TCF4: variants seen among roughly 807,000 people sequenced by gnomAD.
TCF4 encodes transcription factor 4, also known as SL3-3 enhancer factor 2.
In TCF4, 3 loss-of-function variants were observed where a neutral mutation model predicts 82.1. The observed-to-expected ratio is 0.04, with a 90% confidence interval of 0.02 to 0.09. The LOEUF (loss-of-function observed/expected upper bound fraction) is 0.09, where lower values mean the gene tolerates loss of function less well. Among genes scored for constraint, TCF4 ranks in the 10% least tolerant of loss-of-function variants. The pLI, the probability that TCF4 is intolerant of heterozygous loss-of-function variation, is 1.00. For synonymous variants in TCF4, 276 were observed against 309.6 expected, an observed-to-expected ratio of 0.89 and a Z score of 1.14; for missense variants, 518 against 852.7, an observed-to-expected ratio of 0.61 and a Z score of 4.89.
intron 4 of TCF4, among the ~76,000 whole-genome samples, chr18:55,463,647 T>C (rs903847556): frequency 6.6e-6 from 1 of 152,188 alleles, no homozygotes; most frequent in African/African-American, 2.4e-5. Flanking sequence ...TAGTGTATCT[T>C]TGGGATTATT....
chr18:55,437,744 A>AT (rs2147270175), intron 5 of TCF4, among the ~76,000 whole-genome samples: 1 of 152,320 alleles, frequency 6.6e-6, no homozygotes, highest in South Asian at 2.1e-4. Flanking sequence ...AATGGGCCAC[A>AT]TGTTACTCAG....
At chr18:55,261,329 G>T in intron 12 of TCF4, 137 bp downstream of exon 12, 1 of 1,038,486 alleles carries the variant, frequency 9.6e-7, no homozygotes, top group South Asian at 1.3e-5. Context: ...TCCAGTGACT[G>T]TTATGCAAGA....
chr18:55,277,817 T>A (rs1166831000), intron 9 of TCF4, among the ~76,000 whole-genome samples: 1 of 152,178 alleles, frequency 6.6e-6, no homozygotes, highest in Non-Finnish European at 1.5e-5. Context: ...TTTTGAGTGA[T>A]GGATCCTTGA....
intron 3 of TCF4, among the ~76,000 whole-genome samples, chr18:55,582,595 A>G (rs2097585717): frequency 6.6e-6 from 1 of 152,088 alleles, no homozygotes; most frequent in African/African-American, 2.4e-5. Flanking sequence ...GGTAGGAAAA[A>G]CCATGTTTGT....
At chr18:55,253,776 T>C (rs1484686925) in intron 15 of TCF4, among the ~76,000 whole-genome samples, 1 of 152,056 alleles carries the variant, frequency 6.6e-6, no homozygotes, top group Non-Finnish European at 1.5e-5. Context: ...TTTGGCTTCT[T>C]TAATTAAAAA....
intron 3 of TCF4, among the ~76,000 whole-genome samples, chr18:55,521,867 C>T (rs1428922102): frequency 1.3e-5 from 2 of 152,122 alleles, no homozygotes; most frequent in Non-Finnish European, 2.9e-5. Flanking sequence ...CTTCCTGAAC[C>T]AGTATGGTTG....
Position 55,227,265 on chromosome 18 carries a change from A to T in TCF4, c.*770T>A, listed in dbSNP as rs974274781. 3.3e-5 allele frequency: 5 copies of T among 151,048 alleles called. No individual in the cohort carries two copies. Among genetic ancestry groups the T allele is most frequent in the Non-Finnish European group, 7.4e-5 (5 of 67,668 alleles). The allele number at this position is 151,048 out of a possible 1,614,324, so 9.4% of individuals were successfully genotyped here. The stretch of plus-strand genomic sequence containing the variant: ...AATAAGACCAAAAAAAAAAAAATCC[A>T]TATTTACAGTAAAATCTTTCTTTTA... On this transcript the variant is annotated 3_prime_UTR_variant, in exon 20 of 20. Transcript: ENST00000354452.
chr18:55,238,405 C>T (rs890241834), intron 15 of TCF4, among the ~76,000 whole-genome samples: 19 of 152,164 alleles, frequency 1.2e-4, no homozygotes, highest in African/African-American at 3.9e-4. Context: ...ACTAATTTAA[C>T]AAACATTTTC....
chr18:55,306,927 T>TG (rs2070565814), intron 8 of TCF4, among the ~76,000 whole-genome samples: 1 of 152,060 alleles, frequency 6.6e-6, no homozygotes, highest in African/African-American at 2.4e-5. Flanking sequence ...GAAGACTGGG[T>TG]GGGGGCAGGG....
intron 8 of TCF4, among the ~76,000 whole-genome samples, chr18:55,293,964 A>G (rs202090832): frequency 1.6e-4 from 1 of 6,408 alleles, no homozygotes; most frequent in African/African-American, 2.5e-4. Flanking sequence ...TTTTTTTTTT[A>G]GAATTCATAT....
At chr18:55,416,471 A>G (rs572726416) in intron 5 of TCF4, among the ~76,000 whole-genome samples, 1 of 152,286 alleles carries the variant, frequency 6.6e-6, no homozygotes, top group East Asian at 1.9e-4. Flanking sequence ...ATCTTAGCCA[A>G]AAGGCTAAGA....
chr18:55,387,002 A>T (rs2092663178), intron 6 of TCF4, among the ~76,000 whole-genome samples: 1 of 152,234 alleles, frequency 6.6e-6, no homozygotes, highest in Non-Finnish European at 1.5e-5. Context: ...GAACAGAAAA[A>T]AGAGGGAGAG....
intron 3 of TCF4, among the ~76,000 whole-genome samples, chr18:55,468,328 G>C (rs892414587): frequency 6.6e-6 from 1 of 152,194 alleles, no homozygotes; most frequent in African/African-American, 2.4e-5. Context: ...ACAAAGCAGA[G>C]AGGGAAACAA....
chr18:55,388,497 T>C (rs1026550317), intron 6 of TCF4, among the ~76,000 whole-genome samples: 1 of 152,260 alleles, frequency 6.6e-6, no homozygotes, highest in African/African-American at 2.4e-5. Context: ...GCTCCTGATA[T>C]ACAGATTGCT....
chr18:55,319,770 G>C (rs60490688), intron 8 of TCF4, among the ~76,000 whole-genome samples: 3,963 of 152,146 alleles, frequency 0.026, 170 homozygotes, highest in African/African-American at 0.09. Context: ...TCTTACGGTG[G>C]AGGCAACTGG....
At chr18:55,287,009 C>A (rs951120153) in intron 8 of TCF4, among the ~76,000 whole-genome samples, 1 of 152,010 alleles carries the variant, frequency 6.6e-6, no homozygotes, top group Non-Finnish European at 1.5e-5. Context: ...CTAAATAGTT[C>A]TAAGTGCCCC....
At chr18:55,500,425 G>A (rs1026957884) in intron 3 of TCF4, among the ~76,000 whole-genome samples, 1 of 152,198 alleles carries the variant, frequency 6.6e-6, no homozygotes, top group African/African-American at 2.4e-5. Context: ...CCACAAGTCT[G>A]CTTCTTAAAG....
At chr18:55,596,971 A>G (rs1226115186) in intron 2 of TCF4, among the ~76,000 whole-genome samples, 1 of 151,856 alleles carries the variant, frequency 6.6e-6, no homozygotes, top group Non-Finnish European at 1.5e-5. Flanking sequence ...ATGGGGGCGG[A>G]CTCCCCTTGC....
intron 8 of TCF4, among the ~76,000 whole-genome samples, chr18:55,342,526 C>G (rs1660235): frequency 0.51 from 77,059 of 151,898 alleles, 21,721 homozygotes; most frequent in African/African-American, 0.78. Flanking sequence ...TTGACCAAAT[C>G]GTTTAAAAAA....
Sources: allele counts gnomAD v4.1 joint callset (sites outside exome capture counted in the v4.1 genomes callset), GRCh38; gene constraint gnomAD v4.1.1; transcripts MANE v1.5; gene names NCBI Gene and HGNC (gene_info 2026-07-23, HGNC 2026-07-21).